The following ZGRF1 variants were observed in gnomAD, a reference collection of about 807,000 sequenced individuals.
The protein encoded by ZGRF1 is zinc finger GRF-type containing 1.
A neutral mutation model predicts 203.5 loss-of-function variants in ZGRF1; 196 were observed. The observed-to-expected ratio is 0.96, with a 90% CI of 0.86 to 1.08. The LOEUF is 1.08. Among genes scored for constraint, ZGRF1 ranks in the 50% least tolerant of loss-of-function variants. The pLI, the probability that ZGRF1 is intolerant of heterozygous loss-of-function variation, is 0.00. For synonymous variants in ZGRF1, 809 were observed against 841.3 expected (o/e 0.96, Z 0.66); for missense variants, 2,326 against 2,416.3 (o/e 0.96, Z 0.78).
intron 10 of ZGRF1, among the ~76,000 whole-genome samples, chr4:112,599,495 G>A (rs910758554): frequency 6.6e-6 from 1 of 151,754 alleles, no homozygotes; most frequent in Non-Finnish European, 1.5e-5. Flanking sequence ...ACCAAGGTGA[G>A]AGGACTGCTT....
intron 22 of ZGRF1, among the ~76,000 whole-genome samples, chr4:112,550,262 G>A (rs1372583830): frequency 6.6e-6 from 1 of 151,412 alleles, no homozygotes; most frequent in African/African-American, 2.4e-5. Flanking sequence ...CTATATTGAT[G>A]ATCCTGACCC....
intron 4 of ZGRF1, among the ~76,000 whole-genome samples, chr4:112,622,520 G>GAAA (rs5861105): frequency 2.5e-4 from 19 of 75,240 alleles, no homozygotes; most frequent in South Asian, 4.1e-4. Context: ...ACTCCATCTC[G>GAAA]AAAAAAAAAA....
chr4:112,597,608 G>C (rs1749246615), intron 10 of ZGRF1, among the ~76,000 whole-genome samples: 1 of 151,990 alleles, frequency 6.6e-6, no homozygotes, highest in African/African-American at 2.4e-5. Context: ...AGTGGGCACA[G>C]TGGTTCACTC....
chr4:112,558,771 GATAA>G (rs2148882541), intron 19 of ZGRF1, among the ~76,000 whole-genome samples: 1 of 152,326 alleles, frequency 6.6e-6, no homozygotes, highest in African/African-American at 2.4e-5. Context: ...AAGCACAGGG[GATAA>G]ATAGATAACC....
At position 112,619,125 on chromosome 4, in the gene ZGRF1, T is replaced by C. The variant is rs370298771; in HGVS notation, c.917A>G (p.Lys306Arg). Reference protein sequence around the residue: ...LIQQEECAEMKSTENLYYQHQ... With the variant: ...LIQQEECAEMRSTENLYYQHQ... Reference sequence around the variant, plus strand: ...CTGGTAGTATAAATTTTCTGTGCTCTTCATCTCAGCACACTCTTCCTGTTG... The same window carrying C: ...CTGGTAGTATAAATTTTCTGTGCTCCTCATCTCAGCACACTCTTCCTGTTG... Residue 306 changes from lysine to arginine, a missense_variant, in exon 6 of 28, where the codon AAG becomes AGG. By Grantham distance (26) the Lys-to-Arg change is conservative. Coordinates refer to ENST00000505019, the MANE Select transcript of ZGRF1 (RefSeq NM_018392.5). The C allele has an allele frequency of 9.3e-6, 15 of 1,613,720 alleles. No homozygotes were observed. The highest frequency in any genetic ancestry group is 1.2e-5 in the Non-Finnish European group (14 of 1,179,842).
chr4:112,585,527 G>A lies in ZGRF1; in HGVS notation c.4101+14C>T, dbSNP rs1747018277. 6.3e-7 allele frequency: 1 copy of A among 1,598,732 alleles called. No homozygotes were observed. The highest frequency in any genetic ancestry group is 1.7e-5 in the Admixed American group (1 of 57,482). ...AAGTATTTGGTATGGTAGGGGGAGG[G>A]GAAGCAAGAATACCTTATTTGGACC... On this transcript the variant is annotated intron_variant, in intron 14 of 27. Transcript: ENST00000505019.
intron 22 of ZGRF1, among the ~76,000 whole-genome samples, chr4:112,552,449 T>G (rs561565370): frequency 6.6e-6 from 1 of 152,116 alleles, no homozygotes; most frequent in Non-Finnish European, 1.5e-5. Flanking sequence ...ATTCAGAAAA[T>G]CATCCAAGAA....
chr4:112,628,508 T>G (rs992298877), intron 3 of ZGRF1: 33 of 446,166 alleles, frequency 7.4e-5, no homozygotes, highest in Admixed American at 2.2e-4. Flanking sequence ...GATGAATAAC[T>G]TTGACAGAAT....
At chr4:112,567,514 G>C (rs1239945714) in intron 16 of ZGRF1, among the ~76,000 whole-genome samples, 1 of 152,208 alleles carries the variant, frequency 6.6e-6, no homozygotes, top group Non-Finnish European at 1.5e-5. Context: ...GCACACAACT[G>C]TAGTCCTAGC....
chr4:112,597,904 C>T (rs1578401681), intron 10 of ZGRF1, among the ~76,000 whole-genome samples: 2 of 137,924 alleles, frequency 1.5e-5, no homozygotes, highest in South Asian at 2.3e-4. Context: ...CACACACACA[C>T]ACTGAAAAAA....
intron 11 of ZGRF1, among the ~76,000 whole-genome samples, chr4:112,588,872 A>G (rs1173819059): frequency 6.6e-6 from 1 of 152,188 alleles, no homozygotes; most frequent in African/African-American, 2.4e-5. Context: ...ACACTGACAG[A>G]AAAGTTAAAA....
At chr4:112,606,753 A>G (rs1750831580) in intron 8 of ZGRF1, among the ~76,000 whole-genome samples, 1 of 152,232 alleles carries the variant, frequency 6.6e-6, no homozygotes, top group Non-Finnish European at 1.5e-5. Context: ...TCTATTTTAA[A>G]ATTAGTAAGA....
Position 112,547,408 on chromosome 4 carries a change from C to G in ZGRF1, c.5475G>C (p.Arg1825Ser). ...TEPASLLPIA[R>S]FECEKLILVG... ...CAAGAATCAGCTTTTCACACTCAAA[C>G]CTAAAACAGAATTTCAAAAATTAAT... The change falls in exon 24 of 28, where the codon AGG becomes AGC. Residue 1825 changes from arginine to serine, a missense_variant and splice_region_variant. Physicochemically the swap from Arg to Ser is moderately radical, Grantham distance 110. Coordinates refer to ENST00000505019, the MANE Select transcript of ZGRF1 (RefSeq NM_018392.5). 6.2e-7 allele frequency: 1 copy of G among 1,601,650 alleles called. No homozygotes were observed. The highest frequency in any genetic ancestry group is 8.5e-7 in the Non-Finnish European group (1 of 1,176,346).
At chr4:112,589,584 A>C (rs1484152013) in intron 11 of ZGRF1, 140 bp downstream of exon 11, 7 of 713,442 alleles carry the variant, frequency 9.8e-6, no homozygotes, top group Non-Finnish European at 1.4e-5. Flanking sequence ...AAAAGTTCAA[A>C]GGAAGAAAGG....
chr4:112,581,762 T>A lies in ZGRF1; in HGVS notation c.4339A>T (p.Lys1447Ter). The A allele has an allele frequency of 6.6e-7, 1 of 1,521,036 alleles. No individual in the cohort carries two copies. The highest frequency in any genetic ancestry group is 8.9e-7 in the Non-Finnish European group (1 of 1,128,324). The allele number at this position is 1,521,036 out of a possible 1,614,324, so 94.2% of individuals were successfully genotyped here. ...TCAGGATTTACAGTAGTAAACTTCT[T>A]TAGTTTGCCATACTGTTTTCTCTGA... ...DFQRKQYGKL[K>*]KFTTVNPEFY... Residue 1447 changes from lysine (K) to a stop codon, truncating the protein, a stop_gained, in exon 16 of 28, where the codon AAG (lysine) becomes TAG (stop). Coordinates refer to ENST00000505019, the MANE Select transcript of ZGRF1 (RefSeq NM_018392.5). LOFTEE classifies it high-confidence loss of function.
At chr4:112,613,230 G>T (rs1207453408) in intron 6 of ZGRF1, among the ~76,000 whole-genome samples, 4 of 152,112 alleles carry the variant, frequency 2.6e-5, no homozygotes, top group Non-Finnish European at 5.9e-5. Flanking sequence ...GGAGGTGGAG[G>T]TTGCAGTGAG....
intron 22 of ZGRF1, among the ~76,000 whole-genome samples, chr4:112,552,442 C>G (rs1212166226): frequency 6.6e-6 from 1 of 152,074 alleles, no homozygotes; most frequent in Non-Finnish European, 1.5e-5. Flanking sequence ...GGCTTTCATT[C>G]AGAAAATCAT....
At chr4:112,548,203 A>G (rs1739191801) in intron 23 of ZGRF1, 50 bp downstream of exon 23, 1 of 1,528,978 alleles carries the variant, frequency 6.5e-7, no homozygotes, top group Middle Eastern at 1.7e-4. Flanking sequence ...AGCCTCCTAA[A>G]GTGCTAGGAT....
At chr4:112,563,699 A>G (rs1742453150) in intron 16 of ZGRF1, among the ~76,000 whole-genome samples, 2 of 152,262 alleles carry the variant, frequency 1.3e-5, no homozygotes, top group South Asian at 4.1e-4. Context: ...TCAGGCTGCC[A>G]TAACAAAATA....
Sources: allele counts gnomAD v4.1 joint callset (sites outside exome capture counted in the v4.1 genomes callset), GRCh38; gene constraint gnomAD v4.1.1; transcripts MANE v1.5; gene names NCBI Gene and HGNC (gene_info 2026-07-23, HGNC 2026-07-21).